Variants in ACVR2A observed in about 807,000 individuals in gnomAD.
ACVR2A encodes the protein activin receptor type-2A.
ACVR2A carries 7 observed loss-of-function variants against 61.4 expected under a neutral mutation model. The ratio of observed to expected loss-of-function variants is 0.11; its 90% confidence interval spans 0.06 to 0.21. The LOEUF (loss-of-function observed/expected upper bound fraction) is 0.21. ACVR2A is among the 10% of genes least tolerant of loss of function. The pLI is 1.00. For missense variants in ACVR2A, 322 were observed against 621.7 expected (o/e 0.52, Z 5.13); for synonymous variants, 193 against 208.3 (o/e 0.93, Z 0.63).
intron 1 of ACVR2A, among the ~76,000 whole-genome samples, chr2:147,893,780 C>T (rs1380179927): frequency 6.6e-6 from 1 of 152,068 alleles, no homozygotes; most frequent in African/African-American, 2.4e-5. Flanking sequence ...GAGCATCAGT[C>T]CTTTTTTAGA....
intron 1 of ACVR2A, among the ~76,000 whole-genome samples, chr2:147,878,849 C>T (rs1057024984): frequency 2.0e-5 from 3 of 151,844 alleles, no homozygotes; most frequent in African/African-American, 7.3e-5. Flanking sequence ...GTTAAGGCTG[C>T]AGTGAACTGT....
At chr2:147,865,773 C>A (rs911969302) in intron 1 of ACVR2A, among the ~76,000 whole-genome samples, 4 of 152,174 alleles carry the variant, frequency 2.6e-5, no homozygotes, top group African/African-American at 9.6e-5. Flanking sequence ...ACAATCTTTA[C>A]CCTAGGGGAT....
At chr2:147,870,835 A>G (rs1685994611) in intron 1 of ACVR2A, among the ~76,000 whole-genome samples, 2 of 151,704 alleles carry the variant, frequency 1.3e-5, no homozygotes, top group African/African-American at 2.4e-5. Context: ...TTCCTTCTTT[A>G]TATACTTCTT....
chr2:147,866,981 G>C (rs967315675), intron 1 of ACVR2A, among the ~76,000 whole-genome samples: 3 of 152,152 alleles, frequency 2.0e-5, no homozygotes, highest in African/African-American at 7.2e-5. Flanking sequence ...AGTTAAGGAA[G>C]AGCTTGTAGA....
intron 2 of ACVR2A, chr2:147,896,890 G>T: frequency 6.3e-6 from 1 of 159,278 alleles, no homozygotes; most frequent in Non-Finnish European, 1.4e-5. Context: ...TTAATCATGT[G>T]TTTAATTTTC....
chr2:147,873,237 T>G (rs1327678397), intron 1 of ACVR2A, among the ~76,000 whole-genome samples: 3 of 152,022 alleles, frequency 2.0e-5, no homozygotes, highest in Admixed American at 2.0e-4. Context: ...AGAAATGCAA[T>G]GCCAGCAGCA....
intron 1 of ACVR2A, among the ~76,000 whole-genome samples, chr2:147,862,774 C>T (rs1685760389): frequency 1.3e-5 from 2 of 151,974 alleles, no homozygotes; most frequent in Admixed American, 1.3e-4. Flanking sequence ...TCTAACAGTC[C>T]ATTGCTAGAT....
At chr2:147,892,749 G>A (rs1307886828) in intron 1 of ACVR2A, among the ~76,000 whole-genome samples, 4 of 151,554 alleles carry the variant, frequency 2.6e-5, no homozygotes, top group African/African-American at 9.7e-5. Context: ...TTTGATTGAA[G>A]CATATGAAGG....
At chr2:147,906,862 G>A (rs895051582) in intron 4 of ACVR2A, among the ~76,000 whole-genome samples, 2 of 126,232 alleles carry the variant, frequency 1.6e-5, no homozygotes, top group African/African-American at 2.9e-5. Context: ...TGGGATACAT[G>A]TGCAGAACAT....
intron 1 of ACVR2A, among the ~76,000 whole-genome samples, chr2:147,883,831 T>C (rs1227185939): frequency 1.3e-5 from 2 of 152,158 alleles, no homozygotes; most frequent in African/African-American, 2.4e-5. Flanking sequence ...TTTTTCAAAT[T>C]TCTCACTCTT....
At chr2:147,903,246 T>A (rs1686912542) in intron 4 of ACVR2A, among the ~76,000 whole-genome samples, 1 of 150,806 alleles carries the variant, frequency 6.6e-6, no homozygotes, top group Non-Finnish European at 1.5e-5. Context: ...AGCAGTTTTC[T>A]GGTCGTTTTT....
chr2:147,899,630 T>G (rs1686825347), intron 3 of ACVR2A, 63 bp downstream of exon 3: 33 of 1,581,942 alleles, frequency 2.1e-5, no homozygotes, highest in Non-Finnish European at 2.9e-5. Context: ...AATATATTTG[T>G]GTTGATGGAA....
In ACVR2A at chr2:147,929,248, G is replaced by C. The variant is rs148799216; in HGVS notation, c.*1974G>C. The C allele has an allele frequency of 1.8e-4, 27 of 151,974 alleles. No homozygotes were observed. Among genetic ancestry groups the C allele is most frequent in the African/African-American group, 6.0e-4 (25 of 41,486 alleles). The allele number at this position is 151,974 out of a possible 1,614,324, so 9.4% of individuals were successfully genotyped here. On this transcript the variant is annotated 3_prime_UTR_variant, in exon 11 of 11. Coordinates refer to ENST00000241416, the MANE Select transcript of ACVR2A (RefSeq NM_001616.5). ...AAAGTACTTGGTCTCTCAATTTCTT[G>C]ATCTGGTTTTGCTTCCATTTAAAAA...
intron 1 of ACVR2A, among the ~76,000 whole-genome samples, chr2:147,847,521 A>C (rs1685341954): frequency 6.6e-6 from 1 of 152,168 alleles, no homozygotes; most frequent in Non-Finnish European, 1.5e-5. Flanking sequence ...TAAAAATCAA[A>C]ATGGGAAACA....
At chr2:147,924,425 A>C (rs1687455180) in intron 9 of ACVR2A, among the ~76,000 whole-genome samples, 1 of 152,024 alleles carries the variant, frequency 6.6e-6, no homozygotes, top group Non-Finnish European at 1.5e-5. Context: ...ATAGGTATTC[A>C]ATAAATGTTT....
chr2:147,854,215 T>G (rs774619384), intron 1 of ACVR2A, among the ~76,000 whole-genome samples: 10 of 152,198 alleles, frequency 6.6e-5, no homozygotes, highest in Non-Finnish European at 1.5e-4. Flanking sequence ...AATAAATATC[T>G]AGAATATTCA....
chr2:147,923,122 A>G lies in ACVR2A; in HGVS notation c.1216+11A>G. 1 of 1,601,342 alleles carries G rather than the reference A, an allele frequency of 6.2e-7. No homozygotes were observed. The highest frequency in any genetic ancestry group is 8.5e-7 in the Non-Finnish European group (1 of 1,175,844). On this transcript the variant is annotated intron_variant, in intron 9 of 10. Coordinates refer to ENST00000241416, the MANE Select transcript of ACVR2A (RefSeq NM_001616.5). Reference sequence around the variant, plus strand: ...GTACTGCTGCAGATGGTAAGGGAAAAAAATATTTTTAAAAAAGATATATAT... The same window carrying G: ...GTACTGCTGCAGATGGTAAGGGAAAGAAATATTTTTAAAAAAGATATATAT...
chr2:147,904,825 G>A (rs1167916236), intron 4 of ACVR2A, among the ~76,000 whole-genome samples: 2 of 152,016 alleles, frequency 1.3e-5, no homozygotes, highest in East Asian at 3.8e-4. Flanking sequence ...ATTTAGAAGA[G>A]TATACTGCTT....
intron 5 of ACVR2A, among the ~76,000 whole-genome samples, chr2:147,916,497 A>G (rs1336324941): frequency 6.6e-6 from 1 of 151,922 alleles, no homozygotes; most frequent in African/African-American, 2.4e-5. Context: ...CATATAATAC[A>G]ACAATTCTAT....
Sources: gnomAD v4.1 joint callset for allele counts (sites outside exome capture counted in the v4.1 genomes callset) on GRCh38, gnomAD v4.1.1 for gene constraint, MANE v1.5 for transcripts, NCBI Gene and HGNC (gene_info 2026-07-23, HGNC 2026-07-21) for gene names.